The following SNTG2 variants were observed in gnomAD, a reference collection of about 807,000 sequenced individuals.
SNTG2 encodes the protein syntrophin gamma 2, also known as gamma-2-syntrophin.
Under a neutral mutation model 70.9 loss-of-function variants are expected in SNTG2, and 74 were observed. The observed-to-expected ratio is 1.04, with a 90% CI of 0.86 to 1.27. The LOEUF (loss-of-function observed/expected upper bound fraction) is 1.27, where lower values mean the gene tolerates loss of function less well. Ranked by LOEUF, SNTG2 falls within the 50% of genes most tolerant of loss-of-function variation. SNTG2 has a pLI of 0.00. For synonymous variants in SNTG2, 278 were observed against 273.8 expected, an observed-to-expected ratio of 1.02 and a Z score of -0.15; for missense variants, 717 against 690.7, an observed-to-expected ratio of 1.04 and a Z score of -0.43.
chr2:1,081,518 T>A (rs536364237), intron 1 of SNTG2, among the ~76,000 whole-genome samples: 61 of 152,338 alleles, frequency 4.0e-4, no homozygotes, highest in Non-Finnish European at 6.2e-4. Flanking sequence ...TCCAGTGAGC[T>A]CAGCCCTCGG....
intron 1 of SNTG2, among the ~76,000 whole-genome samples, chr2:1,032,192 G>A (rs965115591): frequency 9.9e-5 from 15 of 152,126 alleles, no homozygotes; most frequent in Admixed American, 6.5e-5. Flanking sequence ...CGGGACCACG[G>A]GCTGGGGCAC....
chr2:1,154,939 A>G (rs141759304), intron 6 of SNTG2, among the ~76,000 whole-genome samples: 1 of 108,796 alleles, frequency 9.2e-6, no homozygotes, highest in Non-Finnish European at 2.0e-5. Flanking sequence ...CATACACACC[A>G]CACACATAAA....
intron 9 of SNTG2, among the ~76,000 whole-genome samples, chr2:1,221,981 C>T (rs370593275): frequency 0.023 from 1,093 of 48,258 alleles, 447 homozygotes; most frequent in Middle Eastern, 0.043. Flanking sequence ...CTGTCTCTGT[C>T]TCTCTCTGTC....
intron 1 of SNTG2, among the ~76,000 whole-genome samples, chr2:1,082,295 G>A (rs1040570923): frequency 2.0e-5 from 3 of 152,076 alleles, no homozygotes; most frequent in African/African-American, 7.2e-5. Flanking sequence ...TTGATGAGTT[G>A]GTTTTTTAAA....
rs145885836 is a variant in SNTG2, at chr2:1,315,147, C to T, written c.1378-1118C>T. ...GTGGGCTCAGTTTCCTCACTGTGAACGTGGAAGAGACAGAGAAACTATTCC... is the reference window on the plus strand; with the variant it reads ...GTGGGCTCAGTTTCCTCACTGTGAATGTGGAAGAGACAGAGAAACTATTCC... On this transcript the variant is annotated intron_variant, in intron 15 of 16. Coordinates refer to ENST00000308624, the MANE Select transcript of SNTG2 (RefSeq NM_018968.4). 1.1e-4 allele frequency among the ~76,000 whole-genome samples: 16 copies of T among 152,274 alleles called. 1 individual carries two copies. In the East Asian group the frequency reaches 2.3e-3, roughly 22 times the overall value.
chr2:964,520 G>A (rs1281799718), intron 1 of SNTG2, among the ~76,000 whole-genome samples: 2 of 152,190 alleles, frequency 1.3e-5, no homozygotes, highest in South Asian at 4.1e-4. Flanking sequence ...AATGTGTTAG[G>A]GAGGTTCCCA....
intron 6 of SNTG2, among the ~76,000 whole-genome samples, chr2:1,147,212 G>A (rs1042090967): frequency 6.6e-5 from 10 of 152,172 alleles, no homozygotes; most frequent in African/African-American, 2.4e-4. Context: ...ATTGACAAGG[G>A]TTGGGCTTGT....
At chr2:1,037,664 G>A (rs1025096827) in intron 1 of SNTG2, among the ~76,000 whole-genome samples, 2 of 152,036 alleles carry the variant, frequency 1.3e-5, no homozygotes, top group Non-Finnish European at 2.9e-5. Flanking sequence ...AACATAGGAC[G>A]TCTGATGCTT....
chr2:1,037,196 C>T (rs1282366359), intron 1 of SNTG2, among the ~76,000 whole-genome samples: 7 of 152,190 alleles, frequency 4.6e-5, no homozygotes, highest in Admixed American at 3.9e-4. Flanking sequence ...GGTGCGGAGC[C>T]CACAACAGGT....
chr2:1,089,389 C>T (rs1664874105), intron 2 of SNTG2, among the ~76,000 whole-genome samples: 1 of 152,194 alleles, frequency 6.6e-6, no homozygotes, highest in East Asian at 1.9e-4. Flanking sequence ...TAATAGTTTA[C>T]ACTTTGGGAG....
chr2:1,307,398 CTG>C (rs558774364), intron 14 of SNTG2, among the ~76,000 whole-genome samples: 44 of 127,656 alleles, frequency 3.4e-4, no homozygotes, highest in Non-Finnish European at 6.1e-4. Flanking sequence ...TGCACTGTGT[CTG>C]TGTGTGAGTG....
At chr2:1,169,500 A>G (rs1670979353) in intron 7 of SNTG2, among the ~76,000 whole-genome samples, 1 of 152,176 alleles carries the variant, frequency 6.6e-6, no homozygotes, top group South Asian at 2.1e-4. Flanking sequence ...GGAGGTTTTC[A>G]CCGTGAGCCC....
At chr2:1,261,507 A>T (rs1289030696) in intron 13 of SNTG2, among the ~76,000 whole-genome samples, 1 of 152,194 alleles carries the variant, frequency 6.6e-6, no homozygotes, top group Admixed American at 6.5e-5. Context: ...TCATCACGAA[A>T]TAGATGAGAA....
intron 1 of SNTG2, among the ~76,000 whole-genome samples, chr2:1,064,554 AAAATT>A (rs1299397109): frequency 3.9e-5 from 6 of 152,054 alleles, no homozygotes; most frequent in African/African-American, 9.7e-5. Context: ...AGGAGTTACT[AAAATT>A]AAATTATTTG....
At chr2:1,020,286 AGGGCCCAGGCATCTGGGCTT>A (rs1423914940) in intron 1 of SNTG2, among the ~76,000 whole-genome samples, 2 of 152,206 alleles carry the variant, frequency 1.3e-5, no homozygotes, top group Admixed American at 6.5e-5. Context: ...CCACTTCCTA[AGGGCCCAGGCATCTGGGCTT>A]GGGCCCAGCT....
At chr2:1,330,653 C>T (rs1659477193) in intron 16 of SNTG2, among the ~76,000 whole-genome samples, 1 of 152,184 alleles carries the variant, frequency 6.6e-6, no homozygotes, top group African/African-American at 2.4e-5. Flanking sequence ...GGTTCCACAA[C>T]CTGCTTTTTA....
At chr2:1,354,127 C>T (rs866728815) in intron 16 of SNTG2, among the ~76,000 whole-genome samples, 4 of 152,062 alleles carry the variant, frequency 2.6e-5, no homozygotes, top group Non-Finnish European at 5.9e-5. Context: ...TTTCAGCCAC[C>T]GTTAAATATT....
intron 14 of SNTG2, among the ~76,000 whole-genome samples, chr2:1,285,785 G>A (rs1383544187): frequency 3.2e-5 from 4 of 125,470 alleles, no homozygotes; most frequent in South Asian, 4.8e-4. Flanking sequence ...TCAGCAGGTC[G>A]TGTTTTTTTT....
intron 1 of SNTG2, among the ~76,000 whole-genome samples, chr2:965,151 C>T (rs1362161511): frequency 6.7e-6 from 1 of 148,910 alleles, no homozygotes; most frequent in African/African-American, 2.5e-5. Flanking sequence ...CCTCCTGGTC[C>T]CCAGTCCTCC....
Sources: gnomAD v4.1 joint callset for allele counts (sites outside exome capture counted in the v4.1 genomes callset) on GRCh38, gnomAD v4.1.1 for gene constraint, MANE v1.5 for transcripts, NCBI Gene and HGNC (gene_info 2026-07-23, HGNC 2026-07-21) for gene names.